Variants in TMEM8B observed in about 807,000 individuals in gnomAD.
TMEM8B encodes the protein nasopharyngeal carcinoma expressed 6.
A neutral mutation model predicts 49.3 loss-of-function variants in TMEM8B; 29 were observed. That is an observed-to-expected ratio of 0.59 (90% CI 0.44 to 0.80). The LOEUF is 0.80. Ranked by LOEUF, TMEM8B falls within the 30% of genes least tolerant of loss-of-function variation. The pLI, the probability that TMEM8B is intolerant of heterozygous loss-of-function variation, is 0.00. For missense variants in TMEM8B, 575 were observed against 658.5 expected (o/e 0.87, Z 1.39); for synonymous variants, 264 against 272.8 (o/e 0.97, Z 0.32).
rs1262766145 is a variant in TMEM8B at position 35,846,822 on chromosome 9, A to G, written c.2002A>G (p.Arg668Gly). ...YAACECKAGWRGWGCTDSADA... is the reference protein window; with the variant it reads ...YAACECKAGWGGWGCTDSADA... The stretch of plus-strand genomic sequence containing the variant: ...TGTGCCTTCCCCACCCGCAGGGTGG[A>G]GAGGCTGGGGCTGCACCGACAGTGC... The change falls in exon 10 of 13, where the codon AGA becomes GGA. Residue 668 changes from arginine (R) to glycine (G), a missense_variant. Coordinates refer to ENST00000643932, the MANE Select transcript of TMEM8B (RefSeq NM_001042590.4). 1.2e-6 allele frequency: 2 copies of G among 1,611,836 alleles called. No individual in the cohort carries two copies. The highest frequency in any genetic ancestry group is 1.7e-6 in the Non-Finnish European group (2 of 1,178,734).
Position 35,858,817 on chromosome 9 carries a change from C to T in TMEM8B, c.*4977C>T, listed in dbSNP as rs1254593927. ...TGTAGGCTTTGTTACTTTCCCTTTTCTTTTTGTCATGGTGACCAGCAGTGT... is the reference window on the plus strand; with the variant it reads ...TGTAGGCTTTGTTACTTTCCCTTTTTTTTTTGTCATGGTGACCAGCAGTGT... On this transcript the variant is annotated 3_prime_UTR_variant, in exon 13 of 13. Transcript: ENST00000643932. 6.6e-6 allele frequency: 1 copy of T among 152,212 alleles called. No individual in the cohort carries two copies. The highest frequency in any genetic ancestry group is 2.4e-5 in the African/African-American group (1 of 41,420). The allele number at this position is 152,212 out of a possible 1,614,324, so 9.4% of individuals were successfully genotyped here.
chr9:35,836,786 G>T (rs959879817), intron 3 of TMEM8B, among the ~76,000 whole-genome samples: 1 of 152,202 alleles, frequency 6.6e-6, no homozygotes, highest in Non-Finnish European at 1.5e-5. Context: ...TGGAACCCTG[G>T]TCAGAGCTTC....
In TMEM8B at chr9:35,841,683, CA is replaced by C; in HGVS notation, c.1199del (p.Gln400ArgfsTer54). On this transcript the variant is annotated frameshift_variant, in exon 5 of 13. Coordinates refer to ENST00000643932, the MANE Select transcript of TMEM8B (RefSeq NM_001042590.4). LOFTEE classifies it high-confidence loss of function. The surrounding 1 kb of genome is among the most constrained non-coding windows in gnomAD (Gnocchi z 5.9). ...SVACGGASGC[Q>X]LELALPPWGH... ...GGCCTGTGGAGGTGCCTCAGGATGC[CA>C]GCTGGAGCTGGCACTGCCCCCCTGG... The C allele has an allele frequency of 2.4e-6, 1 of 415,930 alleles. No individual in the cohort carries two copies. Among genetic ancestry groups the C allele is most frequent in the Non-Finnish European group, 4.4e-6 (1 of 226,500 alleles). The allele number at this position is 415,930 out of a possible 1,614,324, so 25.8% of individuals were successfully genotyped here.
In TMEM8B at chr9:35,863,690, C is replaced by T. The variant is rs562525763; in HGVS notation, c.*9850C>T. 4.5e-4 allele frequency: 69 copies of T among 152,334 alleles called. No individual in the cohort carries two copies. Among genetic ancestry groups the T allele is most frequent in the African/African-American group, 1.6e-3 (67 of 41,572 alleles). The allele number at this position is 152,334 out of a possible 1,614,324, so 9.4% of individuals were successfully genotyped here. ...TCAGAGCCCCTGGCAGATGGAGGCT[C>T]CACCCTGTGGGACGTCACCAGTTGT... On this transcript the variant is annotated 3_prime_UTR_variant, in exon 13 of 13. Transcript: ENST00000643932.
chr9:35,836,441 T>C (rs1247110376), intron 3 of TMEM8B, among the ~76,000 whole-genome samples: 1 of 152,244 alleles, frequency 6.6e-6, no homozygotes, highest in Non-Finnish European at 1.5e-5. Context: ...CTCTGATCCT[T>C]GACCCACTTT....
intron 3 of TMEM8B, among the ~76,000 whole-genome samples, chr9:35,839,230 T>C (rs991895750): frequency 6.6e-6 from 1 of 152,248 alleles, no homozygotes; most frequent in African/African-American, 2.4e-5. Context: ...CTACCATGCC[T>C]TAGACTCCAG....
intron 10 of TMEM8B, among the ~76,000 whole-genome samples, chr9:35,851,226 G>T: frequency 6.6e-6 from 1 of 151,310 alleles, no homozygotes; most frequent in Admixed American, 6.6e-5. Context: ...TCCCACCTCA[G>T]CCCCTTCTGC....
At position 35,862,214 on chromosome 9, in the gene TMEM8B, A is replaced by G. The variant is rs1832665734; in HGVS notation, c.*8374A>G. ...GCCCTCATGGAGTTTGCAGTCATTC[A>G]TTCACTCACTCGGTGACTTTGGACA... On this transcript the variant is annotated 3_prime_UTR_variant, in exon 13 of 13. Transcript: ENST00000643932. The G allele has an allele frequency of 6.6e-6, 1 of 152,228 alleles. No individual in the cohort carries two copies. 9.4% of individuals were successfully genotyped at this position (152,228 alleles called of 1,614,324 possible).
rs1314585709 is a variant in TMEM8B, at chr9:35,854,163, C to G, written c.*323C>G. 8 of 446,628 alleles carry G rather than the reference C, an allele frequency of 1.8e-5. No individual in the cohort carries two copies. In the East Asian group the frequency reaches 4.6e-4, roughly 26 times the overall value. The allele number at this position is 446,628 out of a possible 1,614,324, so 27.7% of individuals were successfully genotyped here. On this transcript the variant is annotated 3_prime_UTR_variant, in exon 13 of 13. Coordinates refer to ENST00000643932, the MANE Select transcript of TMEM8B (RefSeq NM_001042590.4). Reference sequence around the variant, plus strand: ...AGCCTTCCCAAGACATGGATTCCTTCCCAGGGAGACAAAGCCCTGTCAGGA... The same window carrying G: ...AGCCTTCCCAAGACATGGATTCCTTGCCAGGGAGACAAAGCCCTGTCAGGA...
chr9:35,836,566 C>T (rs536597192), intron 3 of TMEM8B, among the ~76,000 whole-genome samples: 1 of 152,084 alleles, frequency 6.6e-6, no homozygotes, highest in Non-Finnish European at 1.5e-5. Context: ...GAGCTGAGGC[C>T]CAGTTAGAAG....
intron 10 of TMEM8B, among the ~76,000 whole-genome samples, chr9:35,850,315 A>G (rs917114705): frequency 6.6e-5 from 10 of 152,254 alleles, no homozygotes; most frequent in Non-Finnish European, 1.3e-4. Flanking sequence ...AAGCTGAGAA[A>G]GTTATCAACT....
intron 2 of TMEM8B, 123 bp downstream of exon 2, chr9:35,834,773 G>A (rs759927814): frequency 4.9e-6 from 2 of 410,316 alleles, no homozygotes; most frequent in Non-Finnish European, 4.4e-6. Flanking sequence ...AAGTGTGACT[G>A]AGTGAGGGCC....
At chr9:35,852,235 T>TC (rs1832204682) in intron 10 of TMEM8B, among the ~76,000 whole-genome samples, 1 of 152,180 alleles carries the variant, frequency 6.6e-6, no homozygotes, top group Non-Finnish European at 1.5e-5. Flanking sequence ...CTGTCCCCTC[T>TC]CCATGTTCTT....
intron 6 of TMEM8B, among the ~76,000 whole-genome samples, chr9:35,843,286 ACT>A (rs1416347341): frequency 1.3e-5 from 2 of 152,008 alleles, no homozygotes; most frequent in East Asian, 3.9e-4. Flanking sequence ...TCATATACCC[ACT>A]CTCTCACGTT....
intron 3 of TMEM8B, among the ~76,000 whole-genome samples, chr9:35,836,386 C>T (rs1433314352): frequency 6.6e-6 from 1 of 152,208 alleles, no homozygotes; most frequent in African/African-American, 2.4e-5. Context: ...GGAATGCCTT[C>T]GTAGGTCTTT....
At position 35,853,484 on chromosome 9, in the gene TMEM8B, C is replaced by G; in HGVS notation, c.2440-21C>G. On this transcript the variant is annotated intron_variant, in intron 12 of 12. Coordinates refer to ENST00000643932, the MANE Select transcript of TMEM8B (RefSeq NM_001042590.4). The surrounding 1 kb of genome is among the most constrained non-coding windows in gnomAD (Gnocchi z 4.2). ...TTCCAGGGCTTGGCATTCCTGAGCCCCACTTCTCTGTCTCCCCCAGACAGT... is the reference window on the plus strand; with the variant it reads ...TTCCAGGGCTTGGCATTCCTGAGCCGCACTTCTCTGTCTCCCCCAGACAGT... The G allele has an allele frequency of 6.3e-7, 1 of 1,598,812 alleles. No individual in the cohort carries two copies. The highest frequency in any genetic ancestry group is 8.5e-7 in the Non-Finnish European group (1 of 1,172,752).
At position 35,845,982 on chromosome 9, in the gene TMEM8B, T is replaced by G. The variant is rs764566573; in HGVS notation, c.1643T>G (p.Val548Gly). The G allele has an allele frequency of 6.2e-7, 1 of 1,613,798 alleles. No individual in the cohort carries two copies. Among genetic ancestry groups the G allele is most frequent in the Non-Finnish European group, 8.5e-7 (1 of 1,179,898 alleles). Reference protein sequence around the residue: ...SLELQLNASSVRQENVTVFGC... With the variant: ...SLELQLNASSGRQENVTVFGC... ...CATACCTGCCCTCCCCAGAGCTCCG[T>G]GCGCCAGGAAAACGTGACGGTGTTT... The change falls in exon 7 of 13, where the codon GTG becomes GGG. Residue 548 changes from valine (V) to glycine (G), a missense_variant. Transcript: ENST00000643932.
At position 35,861,581 on chromosome 9, in the gene TMEM8B, G is replaced by A. The variant is rs376092312; in HGVS notation, c.*7741G>A. 1 of 152,770 alleles carries A rather than the reference G, an allele frequency of 6.5e-6. No homozygotes were observed. Among genetic ancestry groups the A allele is most frequent in the East Asian group, 1.9e-4 (1 of 5,196 alleles). The allele number at this position is 152,770 out of a possible 1,614,324, so 9.5% of individuals were successfully genotyped here. A position where few individuals can be genotyped will look rare whatever the true frequency, so the allele number is the denominator to read the frequency against. On this transcript the variant is annotated 3_prime_UTR_variant, in exon 13 of 13. Transcript: ENST00000643932. ...GCCAATAGCAGGCACCCAGCAGATA[G>A]CGAATGCACGACTCCAAAACCCAGC... is the stretch of plus-strand genomic sequence containing the variant.
chr9:35,840,268 G>A (rs1830841363), intron 3 of TMEM8B, among the ~76,000 whole-genome samples: 1 of 152,226 alleles, frequency 6.6e-6, no homozygotes. Context: ...AAGAAACACA[G>A]TCTGAGGCTG....
Sources: allele counts gnomAD v4.1 joint callset (sites outside exome capture counted in the v4.1 genomes callset), GRCh38; gene constraint gnomAD v4.1.1; non-coding constraint Gnocchi (gnomAD v3.1); transcripts MANE v1.5; gene names NCBI Gene and HGNC (gene_info 2026-07-23, HGNC 2026-07-21).